MAPK10: variants seen among roughly 807,000 people sequenced by gnomAD.
The protein encoded by MAPK10 is mitogen-activated protein kinase 10, also known as JNK3 alpha protein kinase.
A neutral mutation model predicts 59.3 loss-of-function variants in MAPK10; 25 were observed. The observed-to-expected ratio is 0.42, with a 90% CI of 0.31 to 0.59. The LOEUF (loss-of-function observed/expected upper bound fraction) is 0.59. Among genes scored for constraint, MAPK10 ranks in the 20% least tolerant of loss-of-function variants. MAPK10 has a pLI of 0.15. For missense variants in MAPK10, 351 were observed against 568.9 expected (o/e 0.62, Z 3.90); for synonymous variants, 190 against 200.5 (o/e 0.95, Z 0.44).
chr4:86,362,109 C>T (rs914651453), upstream of MAPK10, among the ~76,000 whole-genome samples: 1 of 151,996 alleles, frequency 6.6e-6, no homozygotes, highest in Non-Finnish European at 1.5e-5. Context: ...GATCATTCTA[C>T]AATGTATACA....
intron 13 of MAPK10, among the ~76,000 whole-genome samples, chr4:86,021,783 C>T (rs899781676): frequency 2.6e-5 from 4 of 152,354 alleles, no homozygotes; most frequent in African/African-American, 9.6e-5. Context: ...GGCGAGAAAT[C>T]GAGCACAGCG....
intron 11 of MAPK10, among the ~76,000 whole-genome samples, chr4:86,039,201 T>A (rs1405550667): frequency 6.6e-6 from 1 of 152,154 alleles, no homozygotes; most frequent in Admixed American, 6.6e-5. Flanking sequence ...CAAAAATACC[T>A]TCACAAAAGT....
At chr4:86,475,986 C>T (rs527672589) in intron 1 of MAPK10, among the ~76,000 whole-genome samples, 39 of 152,246 alleles carry the variant, frequency 2.6e-4, no homozygotes, top group Non-Finnish European at 4.0e-4. Flanking sequence ...AGCCAGAAAA[C>T]GGCACTTTTG....
chr4:86,024,763 T>G (rs1325633024), intron 13 of MAPK10: 1 of 152,228 alleles, frequency 6.6e-6, no homozygotes, highest in Non-Finnish European at 1.5e-5. Flanking sequence ...GCAGTTGTCT[T>G]TCTTCTCCTT....
intron 1 of MAPK10, among the ~76,000 whole-genome samples, chr4:86,507,248 A>C (rs898016288): frequency 2.0e-5 from 3 of 152,132 alleles, no homozygotes; most frequent in African/African-American, 7.2e-5. Flanking sequence ...ATTAAACATA[A>C]AAGAATAAAT....
chr4:86,067,641 A>G, intron 10 of MAPK10, 132 bp downstream of exon 10: 1 of 768,134 alleles, frequency 1.3e-6, no homozygotes, highest in Non-Finnish European at 2.0e-6. Flanking sequence ...ATATCCCACA[A>G]AAATGTACGA....
At chr4:86,385,257 T>C (rs1741311835) in intron 1 of MAPK10, among the ~76,000 whole-genome samples, 1 of 152,218 alleles carries the variant, frequency 6.6e-6, no homozygotes, top group Non-Finnish European at 1.5e-5. Flanking sequence ...AATTCCTACT[T>C]GTTATTCAAC....
chr4:86,553,901 T>C (rs1760055271), intron 1 of MAPK10, among the ~76,000 whole-genome samples: 1 of 151,914 alleles, frequency 6.6e-6, no homozygotes, highest in Non-Finnish European at 1.5e-5. Flanking sequence ...ATTTTTTTTT[T>C]TTTAGAATTT....
chr4:86,466,988 T>G (rs765012773), intron 1 of MAPK10, among the ~76,000 whole-genome samples: 6 of 152,236 alleles, frequency 3.9e-5, no homozygotes, highest in Non-Finnish European at 8.8e-5. Context: ...CATCTTCAGC[T>G]GCAGTCCCTG....
At chr4:86,365,484 T>C (rs1384499818) in intron 1 of MAPK10, among the ~76,000 whole-genome samples, 1 of 142,772 alleles carries the variant, frequency 7.0e-6, no homozygotes, top group Non-Finnish European at 1.5e-5. Context: ...ACCTTGTACT[T>C]GATTATGACT....
At chr4:86,268,286 A>C (rs1260435367) in intron 2 of MAPK10, 2 of 152,224 alleles carry the variant, frequency 1.3e-5, no homozygotes, top group African/African-American at 4.8e-5. Flanking sequence ...ACAAAGATAC[A>C]CACCATCTTC....
chr4:86,084,146 C>A (rs907015572), intron 9 of MAPK10, among the ~76,000 whole-genome samples: 1 of 151,914 alleles, frequency 6.6e-6, no homozygotes, highest in African/African-American at 2.4e-5. Context: ...GACTATGGGG[C>A]GAGACAAAAA....
intron 11 of MAPK10, among the ~76,000 whole-genome samples, chr4:86,037,729 A>C (rs2040640310): frequency 6.6e-6 from 1 of 152,218 alleles, no homozygotes; most frequent in African/African-American, 2.4e-5. Context: ...ACCCTTATTC[A>C]ATTTTCAAAT....
chr4:86,492,517 A>G (rs1411747038), intron 1 of MAPK10, among the ~76,000 whole-genome samples: 2 of 152,228 alleles, frequency 1.3e-5, no homozygotes, highest in Non-Finnish European at 2.9e-5. Flanking sequence ...TTCTTGCACC[A>G]TCATACATGT....
In MAPK10 at chr4:86,011,517, A is replaced by T. The variant is rs1276672855; in HGVS notation, c.*5711T>A. The T allele has an allele frequency of 3.9e-5, 6 of 152,226 alleles. No individual in the cohort carries two copies. The highest frequency in any genetic ancestry group is 1.5e-5 in the Non-Finnish European group (1 of 68,050). The allele number at this position is 152,226 out of a possible 1,614,324, so 9.4% of individuals were successfully genotyped here. On this transcript the variant is annotated 3_prime_UTR_variant, in exon 14 of 14. Transcript: ENST00000641462. ...ACACCCTTTTTTCTCCTTACTGTGA[A>T]CTTGGTCAAAATTACCAAATGTTTG...
At chr4:86,475,155 C>T (rs1752977154) in intron 1 of MAPK10, among the ~76,000 whole-genome samples, 1 of 152,128 alleles carries the variant, frequency 6.6e-6, no homozygotes, top group Non-Finnish European at 1.5e-5. Flanking sequence ...CCACCTGCAC[C>T]CAGGTGATTA....
At chr4:86,024,454 A>G (rs747428604) in intron 13 of MAPK10, 1 of 152,204 alleles carries the variant, frequency 6.6e-6, no homozygotes, top group Non-Finnish European at 1.5e-5. Flanking sequence ...CTTCTGGAAT[A>G]TTCCGAGTGT....
chr4:86,101,690 AGCC>A (rs1447949764), intron 7 of MAPK10, among the ~76,000 whole-genome samples: 1 of 152,198 alleles, frequency 6.6e-6, no homozygotes, highest in East Asian at 1.9e-4. Flanking sequence ...CATCTCAATG[AGCC>A]AAAACATAAC....
chr4:86,473,010 T>G (rs1377185924), intron 1 of MAPK10, among the ~76,000 whole-genome samples: 1 of 152,208 alleles, frequency 6.6e-6, no homozygotes, highest in Non-Finnish European at 1.5e-5. Flanking sequence ...CTTGCTTTGT[T>G]TGTGCATTTT....
Sources: gnomAD v4.1 joint callset for allele counts (sites outside exome capture counted in the v4.1 genomes callset) on GRCh38, gnomAD v4.1.1 for gene constraint, MANE v1.5 for transcripts, NCBI Gene and HGNC (gene_info 2026-07-23, HGNC 2026-07-21) for gene names.